The following EPHB1 variants were observed in gnomAD, a reference collection of about 807,000 sequenced individuals.
EPHB1 encodes ephrin type-B receptor 1.
Under a neutral mutation model 94.4 loss-of-function variants are expected in EPHB1, and 30 were observed. That is an observed-to-expected ratio of 0.32 (90% confidence interval 0.24 to 0.43). EPHB1 has a LOEUF of 0.43. Ranked by LOEUF, EPHB1 falls within the 20% of genes least tolerant of loss-of-function variation. The pLI is 1.00. For synonymous variants in EPHB1, 522 were observed against 489.1 expected (o/e 1.07, Z -0.89); for missense variants, 1,055 against 1,308.3 (o/e 0.81, Z 2.99).
At chr3:135,087,995 GA>G (rs1332309235) in intron 3 of EPHB1, among the ~76,000 whole-genome samples, 1 of 152,170 alleles carries the variant, frequency 6.6e-6, no homozygotes, top group East Asian at 1.9e-4. Flanking sequence ...AGGCAGGCAG[GA>G]ACTCAGAGGG....
chr3:134,923,556 A>C (rs921173747), intron 1 of EPHB1, among the ~76,000 whole-genome samples: 3 of 152,090 alleles, frequency 2.0e-5, no homozygotes, highest in African/African-American at 7.2e-5. Flanking sequence ...TCACCTCCCT[A>C]GGATGCTGAA....
intron 3 of EPHB1, among the ~76,000 whole-genome samples, chr3:135,041,327 G>A (rs1001875742): frequency 2.0e-5 from 3 of 152,192 alleles, no homozygotes; most frequent in Non-Finnish European, 4.4e-5. Flanking sequence ...CCACTGGGAT[G>A]CTGGGAGGCA....
chr3:135,048,721 C>CATGT (rs1477773372), intron 3 of EPHB1, among the ~76,000 whole-genome samples: 2 of 152,202 alleles, frequency 1.3e-5, no homozygotes, highest in Non-Finnish European at 2.9e-5. Flanking sequence ...CAGTGGGCAC[C>CATGT]ATGTTCCTGG....
chr3:134,957,810 G>A (rs1408792106), intron 3 of EPHB1, among the ~76,000 whole-genome samples: 5 of 152,258 alleles, frequency 3.3e-5, no homozygotes, highest in African/African-American at 1.2e-4. Flanking sequence ...TACAAATTGG[G>A]GCTGGGAATG....
At chr3:135,047,448 C>T (rs753260183) in intron 3 of EPHB1, among the ~76,000 whole-genome samples, 16 of 152,176 alleles carry the variant, frequency 1.1e-4, no homozygotes, top group African/African-American at 3.9e-4. Context: ...GGTCCATTGG[C>T]ATCTGCAGGT....
At chr3:135,049,205 G>C (rs185124649) in intron 3 of EPHB1, among the ~76,000 whole-genome samples, 22 of 152,310 alleles carry the variant, frequency 1.4e-4, no homozygotes, top group Admixed American at 1.4e-3. Flanking sequence ...CTGAATATTT[G>C]AATCAAATTA....
chr3:135,083,315 G>A (rs963429159), intron 3 of EPHB1, among the ~76,000 whole-genome samples: 18 of 152,052 alleles, frequency 1.2e-4, no homozygotes, highest in African/African-American at 4.1e-4. Context: ...CAGCAGGGGG[G>A]AAATTAGGGA....
intron 4 of EPHB1, among the ~76,000 whole-genome samples, chr3:135,114,770 A>T (rs1341835464): frequency 1.0e-5 from 1 of 96,568 alleles, no homozygotes; most frequent in Non-Finnish European, 2.4e-5. Context: ...AATAAATAAA[A>T]CAATATTTGG....
chr3:134,930,586 T>C (rs1191562742), intron 2 of EPHB1, among the ~76,000 whole-genome samples: 2 of 152,182 alleles, frequency 1.3e-5, no homozygotes, highest in African/African-American at 2.4e-5. Context: ...CTCTAGGCAG[T>C]GGGGAGTTCA....
intron 1 of EPHB1, among the ~76,000 whole-genome samples, chr3:134,859,414 T>C (rs1433184490): frequency 6.6e-6 from 1 of 152,198 alleles, no homozygotes; most frequent in Non-Finnish European, 1.5e-5. Flanking sequence ...GATTTCTAGC[T>C]TGTTCAAGGC....
At chr3:135,257,910 T>A (rs1289793484) in intron 15 of EPHB1, among the ~76,000 whole-genome samples, 1 of 152,178 alleles carries the variant, frequency 6.6e-6, no homozygotes, top group African/African-American at 2.4e-5. Context: ...GGATATAATC[T>A]CGTGGTGCGC....
chr3:134,971,766 G>T (rs983165275), intron 3 of EPHB1, among the ~76,000 whole-genome samples: 17 of 152,170 alleles, frequency 1.1e-4, no homozygotes, highest in Non-Finnish European at 1.9e-4. Context: ...TAAGGCTCCT[G>T]GCCTGTTTGA....
At chr3:135,001,470 C>G (rs1206269831) in intron 3 of EPHB1, among the ~76,000 whole-genome samples, 1 of 152,186 alleles carries the variant, frequency 6.6e-6, no homozygotes, top group Non-Finnish European at 1.5e-5. Flanking sequence ...CCCATGACCA[C>G]ACTCAGGACT....
chr3:134,983,130 C>A (rs576252197), intron 3 of EPHB1, among the ~76,000 whole-genome samples: 1 of 152,130 alleles, frequency 6.6e-6, no homozygotes, highest in South Asian at 2.1e-4. Context: ...AATAAAGAGG[C>A]CTCCCTTAGT....
At chr3:134,841,799 T>A (rs2036783433) in intron 1 of EPHB1, among the ~76,000 whole-genome samples, 1 of 152,100 alleles carries the variant, frequency 6.6e-6, no homozygotes, top group Non-Finnish European at 1.5e-5. Flanking sequence ...GAACTTGGGG[T>A]GATTGGTATA....
At chr3:134,993,926 T>G (rs1321095998) in intron 3 of EPHB1, among the ~76,000 whole-genome samples, 1 of 152,242 alleles carries the variant, frequency 6.6e-6, no homozygotes, top group Non-Finnish European at 1.5e-5. Context: ...TACAAGCTGT[T>G]GATTTCTTTA....
At chr3:135,175,533 A>T (rs184886199) in intron 9 of EPHB1, among the ~76,000 whole-genome samples, 1 of 152,336 alleles carries the variant, frequency 6.6e-6, no homozygotes, top group East Asian at 1.9e-4. Flanking sequence ...AAAATTAATA[A>T]ATTAATAGAA....
At chr3:134,964,843 T>C (rs752447609) in intron 3 of EPHB1, among the ~76,000 whole-genome samples, 6 of 152,246 alleles carry the variant, frequency 3.9e-5, no homozygotes, top group African/African-American at 4.8e-5. Context: ...ATACATTTCA[T>C]TGATAGAATT....
chr3:135,153,922 T>G (rs1440816441), intron 5 of EPHB1, among the ~76,000 whole-genome samples: 1 of 152,222 alleles, frequency 6.6e-6, no homozygotes, highest in East Asian at 1.9e-4. Context: ...CCAGCTCCTG[T>G]GCACACATGC....
Sources: gnomAD v4.1 joint callset for allele counts (sites outside exome capture counted in the v4.1 genomes callset) on GRCh38, gnomAD v4.1.1 for gene constraint, MANE v1.5 for transcripts, NCBI Gene and HGNC (gene_info 2026-07-23, HGNC 2026-07-21) for gene names.